The following GPR137 variants were observed in gnomAD, a reference collection of about 807,000 sequenced individuals.
GPR137 encodes the protein G protein-coupled receptor 137.
Under a neutral mutation model 38.9 loss-of-function variants are expected in GPR137, and 20 were observed. The ratio of observed to expected loss-of-function variants is 0.51; its 90% CI spans 0.36 to 0.75. The LOEUF is 0.75. Among genes scored for constraint, GPR137 ranks in the 30% least tolerant of loss-of-function variants. GPR137 has a pLI of 0.00. For missense variants in GPR137, 456 were observed against 526.4 expected (o/e 0.87, Z 1.31); for synonymous variants, 226 against 235.8 (o/e 0.96, Z 0.38).
rs375743104 is a variant in GPR137 at position 64,286,824 on chromosome 11, C to T, written c.300C>T (p.Cys100=). 14 of 1,596,622 alleles carry T rather than the reference C, an allele frequency of 8.8e-6. 1 individual carries two copies. In the African/African-American group the frequency reaches 1.9e-4, roughly 21 times the overall value. Residue 100 remains cysteine, a synonymous_variant, in exon 1 of 7, where the codon TGC becomes TGT. Coordinates refer to ENST00000438980, the MANE Select transcript of GPR137 (RefSeq NM_001170880.2). ...CCTTGCCCTTCTGGCTTCTCTACTG[C>T]TGCCCCGTCTGCCTGCAGTTCTTCA... ...LGPLPFWLLY[C]CPVCLQFFTL... is the part of the protein sequence containing the mutation.
rs1426704752 is a variant in GPR137 at position 64,287,874 on chromosome 11, G to A, written c.561G>A (p.Ala187=). ...GCGACTCCCTGTTCGTCATCTGCGC[G>A]CTGTCTCTTGCTGCCTGCCTCTGCC... ...LVSDSLFVIC[A]LSLAACLCLV... The change falls in exon 3 of 7, where the codon GCG becomes GCA. Residue 187 remains alanine (A), a synonymous_variant. Transcript: ENST00000438980. The A allele has an allele frequency of 6.2e-7, 1 of 1,603,822 alleles. No individual in the cohort carries two copies. The highest frequency in any genetic ancestry group is 8.5e-7 in the Non-Finnish European group (1 of 1,179,932).
chr11:64,274,216 A>C (rs1192552782), upstream of GPR137, among the ~76,000 whole-genome samples: 1 of 151,760 alleles, frequency 6.6e-6, no homozygotes, highest in East Asian at 2.0e-4. Context: ...GTGAAACCCC[A>C]TCTGTACTAA....
At chr11:64,287,397 A>G (rs141518099) in intron 2 of GPR137, 1 of 848,318 alleles carries the variant, frequency 1.2e-6, no homozygotes, top group East Asian at 1.2e-4. Flanking sequence ...TTTTATTTGT[A>G]CAATTTCCCT....
upstream of GPR137, among the ~76,000 whole-genome samples, chr11:64,274,560 C>G (rs1271617291): frequency 6.6e-6 from 1 of 151,862 alleles, no homozygotes; most frequent in Admixed American, 6.5e-5. Flanking sequence ...TGGTGGCTCA[C>G]GCCTGTAATC....
upstream of GPR137, among the ~76,000 whole-genome samples, chr11:64,282,085 T>G (rs2033516340): frequency 6.6e-6 from 1 of 152,156 alleles, no homozygotes; most frequent in South Asian, 2.1e-4. Flanking sequence ...GCTTTTGTGC[T>G]TGTTTGCTCA....
chr11:64,284,953 T>A, upstream of GPR137: 1 of 1,397,828 alleles, frequency 7.2e-7, no homozygotes. Context: ...GAGACCCACT[T>A]CTGCCAACAA....
chr11:64,273,461 A>G (rs1392224265), upstream of GPR137, among the ~76,000 whole-genome samples: 2 of 152,134 alleles, frequency 1.3e-5, no homozygotes, highest in African/African-American at 4.8e-5. Context: ...CCCGCCTACT[A>G]TGGTCTATTT....
upstream of GPR137, chr11:64,284,037 G>A (rs2033665334): frequency 2.2e-6 from 2 of 925,610 alleles, no homozygotes; most frequent in Non-Finnish European, 3.2e-6. Flanking sequence ...GTTATTAATT[G>A]CTGTTTTACG....
At chr11:64,271,801 C>G, upstream of GPR137, 1 of 1,401,092 alleles carries the variant, frequency 7.1e-7, no homozygotes, top group Non-Finnish European at 9.3e-7. Context: ...ACAGCCCCAG[C>G]GCCTGCAGAG....
rs2034286164 is a variant in GPR137, at chr11:64,287,845, G to T, written c.532G>T (p.Val178Leu). 1 of 1,605,794 alleles carries T rather than the reference G, an allele frequency of 6.2e-7. No homozygotes were observed. The highest frequency in any genetic ancestry group is 1.7e-5 in the Admixed American group (1 of 60,016). The change falls in exon 3 of 7, where the codon GTG becomes TTG. Residue 178 changes from valine to leucine, a missense_variant. By Grantham distance (32) the Val-to-Leu change is conservative (BLOSUM62 1). Transcript: ENST00000438980. ...PWALLLVRVL[V>L]SDSLFVICAL... The stretch of plus-strand genomic sequence containing the variant: ...GGCCCTGCTGCTTGTCCGCGTCCTG[G>T]TGAGCGACTCCCTGTTCGTCATCTG...
Position 64,288,021 on chromosome 11 carries a change from G to A in GPR137, c.634-44G>A. The A allele has an allele frequency of 6.2e-7, 1 of 1,604,996 alleles. No individual in the cohort carries two copies. The highest frequency in any genetic ancestry group is 1.6e-4 in the Middle Eastern group (1 of 6,062). On this transcript the variant is annotated intron_variant, in intron 3 of 6. Transcript: ENST00000438980. The surrounding 1 kb of genome is among the most constrained non-coding windows in gnomAD (Gnocchi z 5.5). Reference sequence around the variant, plus strand: ...GGTTCTCAGGGTGTAGAGGAAGCTGGGAGCCTTCTCTCCCTGAGGGTCCTC... The same window carrying A: ...GGTTCTCAGGGTGTAGAGGAAGCTGAGAGCCTTCTCTCCCTGAGGGTCCTC...
upstream of GPR137, chr11:64,285,370 C>CG: frequency 1.0e-6 from 1 of 985,000 alleles, no homozygotes; most frequent in Non-Finnish European, 1.2e-6. Flanking sequence ...GCCTGGCAGG[C>CG]GGCCGGCCAG....
rs200439591 is a variant in GPR137 at position 64,287,257 on chromosome 11, TG to T, written c.407+245del. The T allele has an allele frequency of 7.1e-4, 697 of 985,370 alleles. 8 individuals carry two copies. The South Asian group carries it at 0.014, about 19-fold the overall frequency. The allele number at this position is 985,370 out of a possible 1,614,324, so 61.0% of individuals were successfully genotyped here. A position where few individuals can be genotyped will look rare whatever the true frequency, so the allele number is the denominator to read the frequency against. ...GAGAGGGCCCCAGTGTCATCCACCA[TG>T]GAGGGCGAGCTGGAGGCTCCAGCCC... is the stretch of plus-strand genomic sequence containing the variant. On this transcript the variant is annotated intron_variant, in intron 2 of 6. Transcript: ENST00000438980.
chr11:64,289,019 C>G lies in GPR137; in HGVS notation c.1032-18C>G. The stretch of plus-strand genomic sequence containing the variant: ...CCCTGGTCACTGTCCTGAGACTGAC[C>G]CTGTTTCTCTGCTGCAGTATGTCGG... On this transcript the variant is annotated intron_variant, in intron 6 of 6. Coordinates refer to ENST00000438980, the MANE Select transcript of GPR137 (RefSeq NM_001170880.2). 1 of 1,521,520 alleles carries G rather than the reference C, an allele frequency of 6.6e-7. No individual in the cohort carries two copies. Among genetic ancestry groups the G allele is most frequent in the African/African-American group, 1.4e-5 (1 of 73,160 alleles). The allele number at this position is 1,521,520 out of a possible 1,614,324, so 94.3% of individuals were successfully genotyped here. A position where few individuals can be genotyped will look rare whatever the true frequency, so the allele number is the denominator to read the frequency against.
At chr11:64,273,563 C>T (rs1004558485), upstream of GPR137, among the ~76,000 whole-genome samples, 4 of 151,926 alleles carry the variant, frequency 2.6e-5, no homozygotes, top group African/African-American at 7.3e-5. Context: ...TGAGCAAACA[C>T]TCAGAGTGCA....
At chr11:64,286,904 G>C (rs769690764) in intron 1 of GPR137, 23 bp downstream of exon 1, 9 of 1,599,848 alleles carry the variant, frequency 5.6e-6, no homozygotes, top group Admixed American at 5.0e-5. Flanking sequence ...GGTCCCGGGT[G>C]GGGGGCGGGA....
At chr11:64,285,121 T>C (rs1454445804), upstream of GPR137, 1 of 1,021,328 alleles carries the variant, frequency 9.8e-7, no homozygotes, top group Non-Finnish European at 1.2e-6. Flanking sequence ...ATGTGATTAT[T>C]GTTGCTATTG....
At chr11:64,273,402 A>G (rs908606860), upstream of GPR137, among the ~76,000 whole-genome samples, 6 of 152,168 alleles carry the variant, frequency 3.9e-5, no homozygotes, top group African/African-American at 1.4e-4. Context: ...AAAAGAAAAA[A>G]GAAAGTGCTT....
At chr11:64,285,172 C>G (rs1272067923), upstream of GPR137, 11 of 989,710 alleles carry the variant, frequency 1.1e-5, no homozygotes, top group Non-Finnish European at 1.3e-5. Context: ...CGGAAAGTCC[C>G]GCTCCCCGCT....
Sources: allele counts gnomAD v4.1 joint callset (sites outside exome capture counted in the v4.1 genomes callset), GRCh38; gene constraint gnomAD v4.1.1; non-coding constraint Gnocchi (gnomAD v3.1); transcripts MANE v1.5; gene names NCBI Gene and HGNC (gene_info 2026-07-23, HGNC 2026-07-21).